PEX6: variants seen among roughly 807,000 people sequenced by gnomAD.
The protein encoded by PEX6 is peroxisome biogenesis factor 6.
Under a neutral mutation model 85.6 loss-of-function variants are expected in PEX6, and 55 were observed. That is an observed-to-expected ratio of 0.64 (90% confidence interval 0.52 to 0.80). The LOEUF is 0.80. Among genes scored for constraint, PEX6 ranks in the 30% least tolerant of loss-of-function variants. The pLI is 0.00. For synonymous variants in PEX6, 519 were observed against 549.1 expected (o/e 0.95, Z 0.77); for missense variants, 1,099 against 1,260.3 (o/e 0.87, Z 1.94).
chr6:42,965,914 G>A lies in PEX6; in HGVS notation c.2363-125C>T, dbSNP rs1253037707. The A allele has an allele frequency of 6.0e-6, 8 of 1,329,806 alleles. No individual in the cohort carries two copies. The highest frequency in any genetic ancestry group is 8.6e-6 in the Non-Finnish European group (8 of 925,534). 82.4% of individuals were successfully genotyped at this position (1,329,806 alleles called of 1,614,324 possible). On this transcript the variant is annotated intron_variant, in intron 12 of 16. Coordinates refer to ENST00000304611, the MANE Select transcript of PEX6 (RefSeq NM_000287.4). The surrounding 1 kb of genome is among the most constrained non-coding windows in gnomAD (Gnocchi z 5.0). The stretch of plus-strand genomic sequence containing the variant: ...ACTGGCATCCCAGGTACTAGACCCA[G>A]CTGGGCAGGAACCTGACTTGTAGAA...
chr6:42,972,510 C>T (rs1408549625), intron 3 of PEX6, among the ~76,000 whole-genome samples: 1 of 152,186 alleles, frequency 6.6e-6, no homozygotes, highest in Non-Finnish European at 1.5e-5. Context: ...GTGGCTCACG[C>T]CTGTAATCCC....
intron 5 of PEX6, among the ~76,000 whole-genome samples, 189 bp from the exon 6 acceptor site, chr6:42,969,174 C>T (rs915961870): frequency 2.0e-5 from 3 of 152,214 alleles, no homozygotes; most frequent in Non-Finnish European, 4.4e-5. Flanking sequence ...GTGCTCTGGC[C>T]GGGGCATCCA....
rs1770215934 is a variant in PEX6 at position 42,974,764 on chromosome 6, A to C, written c.1046+111T>G. The stretch of plus-strand genomic sequence containing the variant: ...ACGTGAGCCACAGCACCTAGCCGCA[A>C]ATGTGGCTTCTTTTAACCAGGGCCT... On this transcript the variant is annotated intron_variant, in intron 2 of 16. Transcript: ENST00000304611. 4.9e-6 allele frequency: 5 copies of C among 1,015,474 alleles called. No homozygotes were observed. In the Admixed American group the frequency reaches 5.1e-5, roughly 10 times the overall value. 62.9% of individuals were successfully genotyped at this position (1,015,474 alleles called of 1,614,324 possible).
chr6:42,964,977 C>T lies in PEX6; in HGVS notation c.2667-48G>A, dbSNP rs2274517. ...ACAGAGTTGGCATCACCTCCTCCCT[C>T]GAAAGCCAGTGCTGACCAGCTCATC... On this transcript the variant is annotated intron_variant, in intron 15 of 16. Coordinates refer to ENST00000304611, the MANE Select transcript of PEX6 (RefSeq NM_000287.4). This position sits in a 1 kb window ranked among gnomAD's most constrained non-coding sequence, Gnocchi z 4.6. The T allele has an allele frequency of 0.53, 847,721 of 1,613,506 alleles. 229,140 individuals carry two copies. The highest frequency in any genetic ancestry group is 0.76 in the African/African-American group (56,706 of 74,952).
At chr6:42,975,348 T>C (rs1770245026) in intron 1 of PEX6, among the ~76,000 whole-genome samples, 1 of 152,214 alleles carries the variant, frequency 6.6e-6, no homozygotes, top group Admixed American at 6.5e-5. Context: ...GACCTATTAG[T>C]GACACCAGGC....
chr6:42,975,712 GTTT>G (rs1186126396), intron 1 of PEX6, among the ~76,000 whole-genome samples: 2 of 140,646 alleles, frequency 1.4e-5, no homozygotes, highest in Admixed American at 7.2e-5. Context: ...ACATGATTTA[GTTT>G]TTTTTTTTTT....
In PEX6 at chr6:42,978,434, C is replaced by CA; in HGVS notation, c.716dup (p.Leu239PhefsTer3). ...GAGGTTCTAGGACCTGCACCCTAGCCAAGTGCGGCTGTGAAGTGTTCGATG... is the reference window on the plus strand; with the variant it reads ...GAGGTTCTAGGACCTGCACCCTAGCCAAAGTGCGGCTGTGAAGTGTTCGATG... On this transcript the variant is annotated frameshift_variant, in exon 1 of 17. Transcript: ENST00000304611. LOFTEE classifies it high-confidence loss of function. 6.2e-7 allele frequency: 1 copy of CA among 1,614,146 alleles called. No homozygotes were observed. The highest frequency in any genetic ancestry group is 8.5e-7 in the Non-Finnish European group (1 of 1,180,030).
chr6:42,973,351 G>C (rs1770137087), intron 3 of PEX6, among the ~76,000 whole-genome samples: 1 of 152,102 alleles, frequency 6.6e-6, no homozygotes, highest in African/African-American at 2.4e-5. Context: ...AGGGCCACCA[G>C]TCAGTTTGAG....
Position 42,964,870 on chromosome 6 carries a change from A to C in PEX6, c.2726T>G (p.Leu909Arg), listed in dbSNP as rs267608250. The stretch of plus-strand genomic sequence containing the variant: ...GAGAGAGTAGAGGTCCGCGCCCGTC[A>C]GCTGGGGAGGGCAGCAATCTAGCAC... Reference protein sequence around the residue: ...VNVLDCCPPQLTGADLYSLCS... With the variant: ...VNVLDCCPPQRTGADLYSLCS... Residue 909 changes from leucine (L) to arginine (R), a missense_variant, in exon 16 of 17, where the codon CTG becomes CGG. By Grantham distance (102) the Leu-to-Arg change is moderately radical. Transcript: ENST00000304611. The surrounding 1 kb of genome is among the most constrained non-coding windows in gnomAD (Gnocchi z 4.6). 4 of 1,614,194 alleles carry C rather than the reference A, an allele frequency of 2.5e-6. No homozygotes were observed. Among genetic ancestry groups the C allele is most frequent in the Non-Finnish European group, 3.4e-6 (4 of 1,180,034 alleles).
rs1436900309 is a variant in PEX6 at position 42,964,827 on chromosome 6, T to C, written c.2769A>G (p.Thr923=). Residue 923 remains threonine (T), a synonymous_variant, in exon 16 of 17, where the codon ACA becomes ACG. Transcript: ENST00000304611. This position sits in a 1 kb window ranked among gnomAD's most constrained non-coding sequence, Gnocchi z 4.6. The stretch of plus-strand genomic sequence containing the variant: ...CATGAACCCTGCGTTTGAGGGCAGC[T>C]GTCATAGCATCAGAGCAGAGAGAGT... ...DLYSLCSDAM[T]AALKRRVHDL... 4.3e-6 allele frequency: 7 copies of C among 1,614,126 alleles called. No individual in the cohort carries two copies. The East Asian group carries it at 1.6e-4, about 36-fold the overall frequency.
chr6:42,970,027 CA>C (rs1180245360), intron 3 of PEX6, 40 bp from the exon 4 acceptor site: 51 of 1,503,138 alleles, frequency 3.4e-5, no homozygotes, highest in African/African-American at 4.1e-5. Context: ...ATCCAGAGTC[CA>C]AAAACCCCCC....
rs3805953 is a variant in PEX6 at position 42,969,162 on chromosome 6, C to T, written c.1368-177G>A. ...GAGGCTGTGTCTCCCACACCACCTG[C>T]GGTGCTCTGGCCGGGGCATCCAGCA... On this transcript the variant is annotated intron_variant, in intron 5 of 16. Coordinates refer to ENST00000304611, the MANE Select transcript of PEX6 (RefSeq NM_000287.4). Among the ~76,000 whole-genome samples the T allele has an allele frequency of 0.59, 90,144 of 152,128 alleles. 29,009 individuals are homozygous for T. Among genetic ancestry groups the T allele is most frequent in the African/African-American group, 0.85 (35,246 of 41,522 alleles).
rs1470954713 is a variant in PEX6, at chr6:42,964,227, G to C, written c.*108C>G. 1.2e-5 allele frequency: 16 copies of C among 1,379,096 alleles called. No homozygotes were observed. The East Asian group carries it at 2.1e-4, about 18-fold the overall frequency. The allele number at this position is 1,379,096 out of a possible 1,614,324, so 85.4% of individuals were successfully genotyped here. A position where few individuals can be genotyped will look rare whatever the true frequency, so the allele number is the denominator to read the frequency against. On this transcript the variant is annotated 3_prime_UTR_variant, in exon 17 of 17. Transcript: ENST00000304611. This position sits in a 1 kb window ranked among gnomAD's most constrained non-coding sequence, Gnocchi z 4.6. Reference sequence around the variant, plus strand: ...ATCTCCTGGAGGGAGGTGGCCTCCAGGTGGGTTGGCAGCAGCCTGAGGAGG... The same window carrying C: ...ATCTCCTGGAGGGAGGTGGCCTCCACGTGGGTTGGCAGCAGCCTGAGGAGG...
At chr6:42,966,020 C>T (rs1769784539) in intron 12 of PEX6, 24 bp downstream of exon 12, 2 of 1,612,166 alleles carry the variant, frequency 1.2e-6, no homozygotes, top group Non-Finnish European at 8.5e-7. Flanking sequence ...GCATGGGACG[C>T]CCTGCCCCTC....
rs781704566 is a variant in PEX6 at position 42,974,973 on chromosome 6, T to C, written c.948A>G (p.Pro316=). 1.2e-6 allele frequency: 2 copies of C among 1,613,864 alleles called. No homozygotes were observed. The highest frequency in any genetic ancestry group is 1.7e-4 in the Middle Eastern group (1 of 5,992). Residue 316 remains proline (P), a synonymous_variant, in exon 2 of 17, where the codon CCA becomes CCG. Coordinates refer to ENST00000304611, the MANE Select transcript of PEX6 (RefSeq NM_000287.4). ...TTTCGATGTGTAACTCTCTGGCAAA[T>C]GGAGGCCCAGGCAGCAATGAGCAGC... is the stretch of plus-strand genomic sequence containing the variant. ...KGSCSLLPGP[P]FARELHIEIV...
At chr6:42,973,580 G>A (rs2150234581) in intron 3 of PEX6, among the ~76,000 whole-genome samples, 1 of 152,180 alleles carries the variant, frequency 6.6e-6, no homozygotes, top group East Asian at 1.9e-4. Context: ...GGCTGGGGGT[G>A]AGTGGTGCAC....
chr6:42,976,276 G>C (rs566675791), intron 1 of PEX6, among the ~76,000 whole-genome samples: 87 of 152,236 alleles, frequency 5.7e-4, no homozygotes, highest in South Asian at 1.7e-3. Flanking sequence ...GTGGCTGGTG[G>C]CTTCCATATT....
In PEX6 at chr6:42,965,959, A is replaced by G. The variant is rs1696208318; in HGVS notation, c.2362+85T>C. ...GTAGAAAGGAGGATTAGGAATGATC[A>G]TGAGTAGCCTGGGAGTAGGGGGTGG... On this transcript the variant is annotated intron_variant, in intron 12 of 16. Transcript: ENST00000304611. The surrounding 1 kb of genome is among the most constrained non-coding windows in gnomAD (Gnocchi z 5.0). 1 of 1,482,764 alleles carries G rather than the reference A, an allele frequency of 6.7e-7. No homozygotes were observed. The highest frequency in any genetic ancestry group is 1.4e-5 in the African/African-American group (1 of 72,366). The allele number at this position is 1,482,764 out of a possible 1,614,324, so 91.9% of individuals were successfully genotyped here.
At position 42,968,904 on chromosome 6, in the gene PEX6, GGCA is replaced by G. The variant is rs1554127389; in HGVS notation, c.1446_1448del (p.Ala483del). On this transcript the variant is annotated inframe_deletion, in exon 6 of 17. Coordinates refer to ENST00000304611, the MANE Select transcript of PEX6 (RefSeq NM_000287.4). ...GTAAGTGGAGCCCAAGGTGACTACA[GGCA>G]GCAGCAACTACTGTGGTCTTCCCAC... 1.2e-6 allele frequency: 2 copies of G among 1,614,064 alleles called. No individual in the cohort carries two copies. Among genetic ancestry groups the G allele is most frequent in the Non-Finnish European group, 1.7e-6 (2 of 1,179,946 alleles).
Sources: gnomAD v4.1 joint callset for allele counts (sites outside exome capture counted in the v4.1 genomes callset) on GRCh38, gnomAD v4.1.1 for gene constraint, Gnocchi (gnomAD v3.1) non-coding constraint, MANE v1.5 for transcripts, NCBI Gene and HGNC (gene_info 2026-07-23, HGNC 2026-07-21) for gene names.